The following CSMD1 variants were observed in gnomAD, a reference collection of about 807,000 sequenced individuals.
CSMD1 encodes CUB and Sushi multiple domains 1, also known as CUB and sushi domain-containing protein 1.
CSMD1 carries 213 observed loss-of-function variants against 417.5 expected under a neutral mutation model. The observed-to-expected ratio is 0.51, with a 90% CI of 0.46 to 0.57. The LOEUF (loss-of-function observed/expected upper bound fraction) is 0.57, where lower values mean the gene tolerates loss of function less well. Among genes scored for constraint, CSMD1 ranks in the 20% least tolerant of loss-of-function variants. The probability of loss-of-function intolerance (pLI) is 0.00; values close to 1 mark genes in which losing one functional copy is unlikely to be tolerated. For missense variants in CSMD1, 6,923 were observed against 4,529.7 expected (o/e 1.53, Z -15.17); for synonymous variants, 2,862 against 1,736.8 (o/e 1.65, Z -16.11).
intron 36 of CSMD1, among the ~76,000 whole-genome samples, chr8:3,182,328 C>G (rs918430904): frequency 6.6e-6 from 1 of 152,144 alleles, no homozygotes; most frequent in African/African-American, 2.4e-5. Flanking sequence ...GATTCTCCTG[C>G]CTCAGCTTCC....
At position 3,427,070 on chromosome 8, in the gene CSMD1, G is replaced by A. The variant is rs368359528; in HGVS notation, c.1562-17465C>T. 3.0e-4 allele frequency among the ~76,000 whole-genome samples: 45 copies of A among 152,274 alleles called. No homozygotes were observed. The East Asian group carries it at 4.3e-3, about 14-fold the overall frequency. On this transcript the variant is annotated intron_variant, in intron 12 of 69. Coordinates refer to ENST00000635120, the MANE Select transcript of CSMD1 (RefSeq NM_033225.6). Reference sequence around the variant, plus strand: ...TGAGAACTCACTCACTATCACGACAGCAGCATAGTGGAAACCATCCCCATG... The same window carrying A: ...TGAGAACTCACTCACTATCACGACAACAGCATAGTGGAAACCATCCCCATG...
At chr8:3,512,274 G>C (rs1243695681) in intron 10 of CSMD1, among the ~76,000 whole-genome samples, 1 of 152,212 alleles carries the variant, frequency 6.6e-6, no homozygotes, top group Admixed American at 6.5e-5. Context: ...GGATGGACTG[G>C]AAGCATTCTT....
intron 1 of CSMD1, among the ~76,000 whole-genome samples, chr8:4,760,511 A>C (rs1227072195): frequency 6.6e-6 from 1 of 152,196 alleles, no homozygotes; most frequent in South Asian, 2.1e-4. Flanking sequence ...CCCAATCAAT[A>C]GAAAGCTTTT....
chr8:3,756,960 T>C (rs1315610852), intron 5 of CSMD1, among the ~76,000 whole-genome samples: 1 of 152,098 alleles, frequency 6.6e-6, no homozygotes, highest in Non-Finnish European at 1.5e-5. Context: ...ATCTGGATAG[T>C]TTTGTAATCT....
chr8:3,335,184 T>G (rs156067), intron 23 of CSMD1, among the ~76,000 whole-genome samples: 2,011 of 152,248 alleles, frequency 0.013, 29 homozygotes, highest in Non-Finnish European at 0.017. Context: ...TGTCACTTGT[T>G]AGGGGTATTG....
intron 4 of CSMD1, among the ~76,000 whole-genome samples, chr8:4,025,803 C>T (rs1241209050): frequency 3.3e-5 from 5 of 152,050 alleles, no homozygotes; most frequent in Admixed American, 3.3e-4. Context: ...AGGTGACTGG[C>T]CTCTGATTTA....
At chr8:3,078,638 A>T (rs188012487) in intron 49 of CSMD1, among the ~76,000 whole-genome samples, 1 of 152,290 alleles carries the variant, frequency 6.6e-6, no homozygotes, top group East Asian at 1.9e-4. Flanking sequence ...ATTGTGAAAA[A>T]CTTAAAGACA....
chr8:2,998,883 C>G lies in CSMD1; in HGVS notation c.8204-699G>C, dbSNP rs143460871. Among the ~76,000 whole-genome samples, 564 of 152,240 alleles carry G rather than the reference C, an allele frequency of 3.7e-3. 5 individuals are homozygous for G. Among genetic ancestry groups the G allele is most frequent in the African/African-American group, 0.011 (442 of 41,548 alleles). On this transcript the variant is annotated intron_variant, in intron 53 of 69. Transcript: ENST00000635120. ...ATTTATCTTGTCAACAATTTTTTTC[C>G]TATAAGTAAAGCTTTTACCCGTGAA...
chr8:2,980,056 G>A (rs192738255), intron 54 of CSMD1, among the ~76,000 whole-genome samples: 8 of 152,332 alleles, frequency 5.3e-5, no homozygotes, highest in Admixed American at 5.2e-4. Flanking sequence ...GATGGAATCA[G>A]CTCCCCCATG....
intron 12 of CSMD1, among the ~76,000 whole-genome samples, chr8:3,456,579 T>A (rs985679386): frequency 6.6e-6 from 1 of 152,204 alleles, no homozygotes; most frequent in African/African-American, 2.4e-5. Flanking sequence ...CTTCCTACTA[T>A]GCCAAAACCT....
intron 3 of CSMD1, among the ~76,000 whole-genome samples, chr8:4,201,707 G>A (rs1312183147): frequency 1.3e-5 from 2 of 151,978 alleles, no homozygotes; most frequent in Middle Eastern, 3.4e-3. Flanking sequence ...AGAAAATGAA[G>A]AGCTAGGAAA....
chr8:2,996,702 A>C (rs570012699), intron 54 of CSMD1, among the ~76,000 whole-genome samples: 1 of 152,370 alleles, frequency 6.6e-6, no homozygotes, highest in African/African-American at 2.4e-5. Flanking sequence ...TGCTAGAATG[A>C]GAACACAGCA....
chr8:3,352,640 G>C (rs1225827557), intron 21 of CSMD1, among the ~76,000 whole-genome samples: 1 of 152,116 alleles, frequency 6.6e-6, no homozygotes, highest in Non-Finnish European at 1.5e-5. Context: ...AGGAGTTCAA[G>C]ACCAGCCTGG....
intron 5 of CSMD1, among the ~76,000 whole-genome samples, chr8:3,888,708 G>C (rs1420053841): frequency 2.0e-5 from 3 of 152,178 alleles, no homozygotes; most frequent in Admixed American, 2.0e-4. Flanking sequence ...AGATGGTGCT[G>C]CTGGCTGAAG....
At chr8:3,230,930 C>G (rs560619874) in intron 26 of CSMD1, among the ~76,000 whole-genome samples, 2 of 152,202 alleles carry the variant, frequency 1.3e-5, no homozygotes, top group South Asian at 2.1e-4. Flanking sequence ...GCAAAGCCGG[C>G]TGGTGCCTGT....
intron 7 of CSMD1, among the ~76,000 whole-genome samples, chr8:3,677,013 G>A (rs533376680): frequency 1.3e-4 from 20 of 152,038 alleles, no homozygotes; most frequent in Non-Finnish European, 2.4e-4. Flanking sequence ...CGGGGTTGGG[G>A]GCAAGGGGAG....
rs115413742 is a variant in CSMD1, at chr8:4,654,705, A to G, written c.86-17147T>C. 7.6e-3 allele frequency among the ~76,000 whole-genome samples: 1,151 copies of G among 152,246 alleles called. 15 individuals are homozygous for G. Among genetic ancestry groups the G allele is most frequent in the African/African-American group, 0.027 (1,105 of 41,500 alleles). ...TCCAGTGGTCTCACACCTGTGGAAG[A>G]GGTGTCTTATTTCTCAATGCATTCA... On this transcript the variant is annotated intron_variant, in intron 1 of 69. Coordinates refer to ENST00000635120, the MANE Select transcript of CSMD1 (RefSeq NM_033225.6).
intron 3 of CSMD1, among the ~76,000 whole-genome samples, chr8:4,133,157 C>G (rs189946213): frequency 6.6e-6 from 1 of 152,076 alleles, no homozygotes; most frequent in South Asian, 2.1e-4. Context: ...AGGCTGGTCT[C>G]AAACTCCTGG....
chr8:4,887,196 G>C (rs1443452902), intron 1 of CSMD1, among the ~76,000 whole-genome samples: 2 of 151,988 alleles, frequency 1.3e-5, no homozygotes, highest in Non-Finnish European at 2.9e-5. Context: ...TTACCGCAAA[G>C]TATTTTATAA....
Sources: allele counts gnomAD v4.1 joint callset (sites outside exome capture counted in the v4.1 genomes callset), GRCh38; gene constraint gnomAD v4.1.1; transcripts MANE v1.5; gene names NCBI Gene and HGNC (gene_info 2026-07-23, HGNC 2026-07-21).